The following CES5A variants were observed in gnomAD, a reference collection of about 807,000 sequenced individuals.
CES5A encodes the protein carboxylesterase 5.
Under a neutral mutation model 62.9 loss-of-function variants are expected in CES5A, and 67 were observed. That is an observed-to-expected ratio of 1.07 (90% CI 0.88 to 1.31). CES5A has a LOEUF of 1.31. Ranked by LOEUF, CES5A falls within the 50% of genes most tolerant of loss-of-function variation. The pLI, the probability that CES5A is intolerant of heterozygous loss-of-function variation, is 0.00. For missense variants in CES5A, 748 were observed against 708.5 expected (o/e 1.06, Z -0.63); for synonymous variants, 296 against 280.8 (o/e 1.05, Z -0.54).
upstream of CES5A, among the ~76,000 whole-genome samples, chr16:55,878,887 TTTAACCA>T (rs2033729285): frequency 7.6e-6 from 1 of 131,112 alleles, no homozygotes; most frequent in Non-Finnish European, 1.6e-5. Context: ...ACCCCCACCA[TTTAACCA>T]CCATCACTGC....
At chr16:55,944,764 T>A (rs1341653034) in intron 2 of CES5A, among the ~76,000 whole-genome samples, 3 of 152,224 alleles carry the variant, frequency 2.0e-5, no homozygotes, top group African/African-American at 7.2e-5. Context: ...TAGGGCCTCC[T>A]ACTGCCCTCT....
In CES5A at chr16:55,871,641, G is replaced by A; in HGVS notation, c.401C>T (p.Thr134Ile). The change falls in exon 3 of 13, where the codon ACA (threonine) becomes ATA (isoleucine). Residue 134 changes from threonine to isoleucine, a missense_variant. Thr to Ile is a moderately conservative substitution (Grantham distance 89, BLOSUM62 -1). Transcript: ENST00000290567. ...LNIYAPAHAD[T>I]GSKLPVLVWF... ...CAGCCTTACGGGGAGCTTGGAGCCT[G>A]TATCGGCGTGGGCAGGCGCATAGAT... is the stretch of plus-strand genomic sequence containing the variant. 1.2e-6 allele frequency: 2 copies of A among 1,614,138 alleles called. No individual in the cohort carries two copies. The highest frequency in any genetic ancestry group is 1.7e-6 in the Non-Finnish European group (2 of 1,180,018).
chr16:55,949,873 T>A (rs2034535385), exon 2 of CES5A: 4 of 1,515,602 alleles, frequency 2.6e-6, no homozygotes, highest in Middle Eastern at 1.7e-4. Flanking sequence ...CCAGGCACAA[T>A]CTCCACATTC....
Position 55,947,264 on chromosome 16 carries a change from C to A in CES5A, c.160+2521G>T, listed in dbSNP as rs541042268. Among the ~76,000 whole-genome samples, 18 of 152,148 alleles carry A rather than the reference C, an allele frequency of 1.2e-4. 1 individual carries two copies. The highest frequency in any genetic ancestry group is 1.5e-4 in the Non-Finnish European group (10 of 68,034). On this transcript the variant is annotated intron_variant, in intron 2 of 13. Transcript: ENST00000521992. ...AGATGGAGAAGAGACACTGAGTGATCATCTTGTCCCACCCCCTCAGCTTCC... is the reference window on the plus strand; with the variant it reads ...AGATGGAGAAGAGACACTGAGTGATAATCTTGTCCCACCCCCTCAGCTTCC...
intron 1 of CES5A, 110 bp downstream of exon 1, chr16:55,875,039 G>C: frequency 1.9e-6 from 2 of 1,065,300 alleles, no homozygotes; most frequent in South Asian, 2.5e-5. Context: ...GTACTACATA[G>C]CTCTCCACTG....
chr16:55,944,823 C>T (rs1221348010), intron 2 of CES5A, among the ~76,000 whole-genome samples: 3 of 152,168 alleles, frequency 2.0e-5, no homozygotes, highest in African/African-American at 4.8e-5. Flanking sequence ...CTCGTCCTGC[C>T]TTTAAATCTC....
At chr16:55,860,474 T>C (rs79267625) in intron 7 of CES5A, among the ~76,000 whole-genome samples, 2,674 of 152,238 alleles carry the variant, frequency 0.018, 93 homozygotes, top group African/African-American at 0.061. Flanking sequence ...AGGAACCTTC[T>C]TGTAGCTGGT....
At chr16:55,952,571 A>C (rs1283753470) in intron 1 of CES5A, among the ~76,000 whole-genome samples, 1 of 152,140 alleles carries the variant, frequency 6.6e-6, no homozygotes, top group African/African-American at 2.4e-5. Flanking sequence ...AAATAACAAC[A>C]TTAAGAAGTA....
At chr16:55,912,332 G>A (rs895640986) in intron 1 of CES5A, among the ~76,000 whole-genome samples, 11 of 152,196 alleles carry the variant, frequency 7.2e-5, no homozygotes, top group African/African-American at 2.4e-4. Flanking sequence ...GATACAATGC[G>A]CTCCCAGCGT....
At chr16:55,856,554 C>A in intron 8 of CES5A, 109 bp from the exon 9 acceptor site, 1 of 934,978 alleles carries the variant, frequency 1.1e-6, no homozygotes, top group Non-Finnish European at 1.7e-6. Context: ...GATAAGGAGC[C>A]CTCAAGCCCA....
At chr16:55,890,552 A>G (rs2033865870) in intron 1 of CES5A, among the ~76,000 whole-genome samples, 1 of 152,124 alleles carries the variant, frequency 6.6e-6, no homozygotes, top group Admixed American at 6.5e-5. Context: ...TGATTCCAAA[A>G]CCCACAAAGG....
Position 55,875,314 on chromosome 16 carries a change from G to A in CES5A, c.-93C>T. The A allele has an allele frequency of 1.3e-6, 2 of 1,556,748 alleles. No homozygotes were observed. Among genetic ancestry groups the A allele is most frequent in the Non-Finnish European group, 8.7e-7 (1 of 1,155,328 alleles). On this transcript the variant is annotated 5_prime_UTR_variant, in exon 1 of 13. Transcript: ENST00000290567. Reference sequence around the variant, plus strand: ...GCCAGAAAGAGCTTCCTGTTAACAGGCAAATGCTGAATAGGCAGGCAGAGG... The same window carrying A: ...GCCAGAAAGAGCTTCCTGTTAACAGACAAATGCTGAATAGGCAGGCAGAGG...
intron 4 of CES5A, among the ~76,000 whole-genome samples, chr16:55,866,657 CT>C (rs796596060): frequency 0.018 from 1,247 of 69,490 alleles, 24 homozygotes; most frequent in African/African-American, 0.082. Flanking sequence ...TCTGTCTCTG[CT>C]AAAAAAAAAA....
At chr16:55,850,266 A>T (rs2142382649) in intron 10 of CES5A, among the ~76,000 whole-genome samples, 1 of 152,346 alleles carries the variant, frequency 6.6e-6, no homozygotes, top group South Asian at 2.1e-4. Context: ...AAAGTATATA[A>T]TTCAGCGGTT....
At chr16:55,933,505 C>T (rs2034335345) in intron 2 of CES5A, among the ~76,000 whole-genome samples, 1 of 152,104 alleles carries the variant, frequency 6.6e-6, no homozygotes, top group Admixed American at 6.5e-5. Context: ...CCTTCCCTTC[C>T]AATGAATCTG....
Position 55,931,678 on chromosome 16 carries a change from T to C in CES5A, c.160+18107A>G, listed in dbSNP as rs1448616118. Among the ~76,000 whole-genome samples the C allele has an allele frequency of 3.3e-5, 5 of 152,288 alleles. No homozygotes were observed. In the East Asian group the frequency reaches 9.7e-4, roughly 29 times the overall value. ...TAATAGCCCTCTGTCCTTTGGGGCC[T>C]GCCTCAGGAATCCCCTTATCCAGGA... On this transcript the variant is annotated intron_variant, in intron 2 of 13. Transcript: ENST00000521992.
intron 1 of CES5A, among the ~76,000 whole-genome samples, chr16:55,908,344 G>GTTGTTTGT (rs3068646): frequency 0.017 from 2,635 of 150,928 alleles, 55 homozygotes; most frequent in African/African-American, 0.045. Flanking sequence ...CAGTTTTGTT[G>GTTGTTTGT]TTGTTTGTTT....
chr16:55,888,935 C>A (rs1306052346), intron 1 of CES5A, among the ~76,000 whole-genome samples: 1 of 152,128 alleles, frequency 6.6e-6, no homozygotes, highest in Non-Finnish European at 1.5e-5. Context: ...TTTGCACCCT[C>A]AGTGACCAGC....
chr16:55,882,228 C>T (rs1468182782), intron 1 of CES5A, among the ~76,000 whole-genome samples: 1 of 152,164 alleles, frequency 6.6e-6, no homozygotes, highest in Non-Finnish European at 1.5e-5. Context: ...AAACATACCC[C>T]CAGTCCTTCC....
Sources: allele counts gnomAD v4.1 joint callset (sites outside exome capture counted in the v4.1 genomes callset), GRCh38; gene constraint gnomAD v4.1.1; transcripts MANE v1.5; gene names NCBI Gene and HGNC (gene_info 2026-07-23, HGNC 2026-07-21).